Variants in PRKAR1A observed in about 807,000 individuals in gnomAD.
PRKAR1A encodes the protein cAMP-dependent protein kinase type I-alpha regulatory subunit.
PRKAR1A carries 3 observed loss-of-function variants against 52.0 expected under a neutral mutation model. That is an observed-to-expected ratio of 0.06 (90% confidence interval 0.03 to 0.15). The LOEUF (loss-of-function observed/expected upper bound fraction) is 0.15. Ranked by LOEUF, PRKAR1A falls within the 10% of genes least tolerant of loss-of-function variation. PRKAR1A has a pLI of 1.00. For missense variants in PRKAR1A, 240 were observed against 477.4 expected, an observed-to-expected ratio of 0.50 and a Z score of 4.63; for synonymous variants, 188 against 168.4, an observed-to-expected ratio of 1.12 and a Z score of -0.90.
chr17:68,549,577 T>A (rs1434991754), intron 11 of PRKAR1A, among the ~76,000 whole-genome samples: 1 of 152,174 alleles, frequency 6.6e-6, no homozygotes, highest in South Asian at 2.1e-4. Flanking sequence ...ACCTGGTGAT[T>A]TGTGGTGCGT....
At chr17:68,431,319 C>T in the PRKAR1A span, among the ~76,000 whole-genome samples, 1 of 152,148 alleles carries the variant, frequency 6.6e-6, no homozygotes, top group Non-Finnish European at 1.5e-5. Context: ...ATCATCATCA[C>T]AACCTCCCTG....
the PRKAR1A span, among the ~76,000 whole-genome samples, chr17:68,500,690 T>C: frequency 6.6e-6 from 1 of 152,110 alleles, no homozygotes; most frequent in Non-Finnish European, 1.5e-5. Context: ...ATTTTTTTTC[T>C]ATTTTTAGTA....
At chr17:68,426,251 G>GGGGGGGGGGGGGGA in the PRKAR1A span, 2 of 825,460 alleles carry the variant, frequency 2.4e-6, no homozygotes, top group Non-Finnish European at 3.8e-6. Context: ...GTGGGGAGCG[G>GGGGGGGGGGGGGGA]GGGCTCAAAT....
At chr17:68,534,058 C>T (rs992534015), downstream of PRKAR1A, among the ~76,000 whole-genome samples, 10 of 152,184 alleles carry the variant, frequency 6.6e-5, no homozygotes, top group East Asian at 1.9e-4. Context: ...TATCAGTAAA[C>T]GCTGTAGCTA....
chr17:68,536,006 C>G (rs1297270053), downstream of PRKAR1A: 1 of 453,950 alleles, frequency 2.2e-6, no homozygotes, highest in Non-Finnish European at 4.4e-6. Flanking sequence ...GGATTGGAAA[C>G]CTGTGTGTTG....
At chr17:68,488,786 T>C in the PRKAR1A span, among the ~76,000 whole-genome samples, 1 of 150,918 alleles carries the variant, frequency 6.6e-6, no homozygotes, top group Non-Finnish European at 1.5e-5. Flanking sequence ...ATCATTCCTT[T>C]CCCTCTGCCA....
rs147371993 is a variant in PRKAR1A at position 68,542,795 on chromosome 17, C to T, written c.974-8289C>T. 86 of 1,613,860 alleles carry T rather than the reference C, an allele frequency of 5.3e-5. No individual in the cohort carries two copies. In the African/African-American group the frequency reaches 7.3e-4, roughly 14 times the overall value. ...CCTCCCCACTGTTGGCGGCACCCGT[C>T]GGAAGTCCAGAATCCTGCAAGAGAG... On this transcript the variant is annotated intron_variant, in intron 11 of 11. Transcript: ENST00000585981.
the PRKAR1A span, among the ~76,000 whole-genome samples, chr17:68,450,002 C>A: frequency 3.3e-5 from 5 of 152,264 alleles, no homozygotes; most frequent in South Asian, 6.2e-4. Flanking sequence ...TAGGGCAAGA[C>A]CCTGTCTCAA....
intron 7 of PRKAR1A, among the ~76,000 whole-genome samples, chr17:68,526,158 A>G (rs1399955484): frequency 6.6e-6 from 1 of 152,178 alleles, no homozygotes; most frequent in African/African-American, 2.4e-5. Flanking sequence ...TCTGGTATAT[A>G]TGTGCTGGTC....
chr17:68,424,736 G>A, the PRKAR1A span, among the ~76,000 whole-genome samples: 1 of 152,114 alleles, frequency 6.6e-6, no homozygotes, highest in Non-Finnish European at 1.5e-5. Context: ...TATTAGTTGG[G>A]CATGGTGGCG....
At chr17:68,518,980 C>T (rs780967395) in intron 2 of PRKAR1A, among the ~76,000 whole-genome samples, 15 of 152,218 alleles carry the variant, frequency 9.9e-5, no homozygotes, top group Admixed American at 6.5e-5. Context: ...CTCCAGTTCT[C>T]AAGTTCCTCA....
chr17:68,446,866 G>A, the PRKAR1A span, among the ~76,000 whole-genome samples: 2 of 152,124 alleles, frequency 1.3e-5, no homozygotes, highest in Non-Finnish European at 2.9e-5. Context: ...TGAATTTCAG[G>A]TCACCCTCAT....
the PRKAR1A span, among the ~76,000 whole-genome samples, chr17:68,486,248 A>C: frequency 8.0e-4 from 122 of 151,938 alleles, no homozygotes; most frequent in Non-Finnish European, 1.4e-3. Context: ...GGACATATAC[A>C]TGGCTTTGCA....
At chr17:68,535,685 A>AT (rs2086078256), downstream of PRKAR1A, 1 of 440,922 alleles carries the variant, frequency 2.3e-6, no homozygotes, top group Non-Finnish European at 4.5e-6. Flanking sequence ...TTTTTTTTGT[A>AT]TTTTTTTGTA....
intron 9 of PRKAR1A, 102 bp from the exon 10 acceptor site, chr17:68,529,818 T>C (rs900312789): frequency 1.9e-6 from 2 of 1,073,410 alleles, no homozygotes; most frequent in Non-Finnish European, 2.9e-6. Flanking sequence ...TTTTATCATA[T>C]GCACACATTT....
chr17:68,543,383 A>G (rs1198358888), intron 11 of PRKAR1A, among the ~76,000 whole-genome samples: 3 of 152,202 alleles, frequency 2.0e-5, no homozygotes, highest in Non-Finnish European at 4.4e-5. Flanking sequence ...CCCAAGCAGC[A>G]TGGCGGGAAG....
rs1050973362 is a variant in PRKAR1A, at chr17:68,531,489, T to G, written c.*1040T>G. ...GAAATGCCAGGCGGACAAAGTTCAG[T>G]GTCGGGAATTTTCCCCGTGACATTC... On this transcript the variant is annotated 3_prime_UTR_variant, in exon 11 of 11. Transcript: ENST00000589228. 33 of 1,066,214 alleles carry G rather than the reference T, an allele frequency of 3.1e-5. No homozygotes were observed. In the African/African-American group the frequency reaches 5.1e-4, roughly 16 times the overall value. 66.0% of individuals were successfully genotyped at this position (1,066,214 alleles called of 1,614,324 possible). A position where few individuals can be genotyped will look rare whatever the true frequency, so the allele number is the denominator to read the frequency against.
At chr17:68,442,217 A>C in the PRKAR1A span, among the ~76,000 whole-genome samples, 1 of 152,166 alleles carries the variant, frequency 6.6e-6, no homozygotes, top group Non-Finnish European at 1.5e-5. Flanking sequence ...TAATTCCAGC[A>C]CTTTGGGAGG....
chr17:68,438,599 T>C, the PRKAR1A span, among the ~76,000 whole-genome samples: 1 of 152,186 alleles, frequency 6.6e-6, no homozygotes, highest in Non-Finnish European at 1.5e-5. Flanking sequence ...TCTCAGCACA[T>C]ATGTTTTGCT....
Sources: gnomAD v4.1 joint callset for allele counts (sites outside exome capture counted in the v4.1 genomes callset) on GRCh38, gnomAD v4.1.1 for gene constraint, MANE v1.5 for transcripts, NCBI Gene and HGNC (gene_info 2026-07-23, HGNC 2026-07-21) for gene names.